The following TMEM192 variants were observed in gnomAD, a reference collection of about 807,000 sequenced individuals.
TMEM192 encodes transmembrane protein 192.
TMEM192 carries 20 observed loss-of-function variants against 26.7 expected under a neutral mutation model. That is an observed-to-expected ratio of 0.75 (90% CI 0.53 to 1.09). The LOEUF (loss-of-function observed/expected upper bound fraction) is 1.09. Ranked by LOEUF, TMEM192 falls within the 50% of genes least tolerant of loss-of-function variation. The pLI, the probability that TMEM192 is intolerant of heterozygous loss-of-function variation, is 0.00. For synonymous variants in TMEM192, 124 were observed against 121.0 expected, an observed-to-expected ratio of 1.02 and a Z score of -0.16; for missense variants, 304 against 322.6, an observed-to-expected ratio of 0.94 and a Z score of 0.44.
At chr4:165,090,213 GAAAAAAAAAAA>G (rs35732863) in intron 3 of TMEM192, among the ~76,000 whole-genome samples, 3 of 52,072 alleles carry the variant, frequency 5.8e-5, no homozygotes, top group East Asian at 1.5e-3. Flanking sequence ...CTCCGTCTTG[GAAAAAAAAAAA>G]AAAAAAAAAA....
chr4:165,091,965 A>T (rs991135850), intron 3 of TMEM192, among the ~76,000 whole-genome samples: 1 of 152,178 alleles, frequency 6.6e-6, no homozygotes, highest in Non-Finnish European at 1.5e-5. Context: ...GCAGAACTAA[A>T]GAATGATTAA....
chr4:165,109,949 T>C (rs915828834), intron 1 of TMEM192, among the ~76,000 whole-genome samples: 4 of 152,236 alleles, frequency 2.6e-5, no homozygotes, highest in African/African-American at 4.8e-5. Context: ...GAATATTTCT[T>C]ATGCTGCCTT....
rs1227023180 is a variant in TMEM192 at position 165,079,485 on chromosome 4, C to T, written c.*173G>A. 2 of 596,522 alleles carry T rather than the reference C, an allele frequency of 3.4e-6. No individual in the cohort carries two copies. Among genetic ancestry groups the T allele is most frequent in the Non-Finnish European group, 5.4e-6 (2 of 368,692 alleles). 37.0% of individuals were successfully genotyped at this position (596,522 alleles called of 1,614,324 possible). Reference sequence around the variant, plus strand: ...CTACAGGTACTTTTCAAGTGACCCACAAGCCCTATATTTTAAACAGCCACA... The same window carrying T: ...CTACAGGTACTTTTCAAGTGACCCATAAGCCCTATATTTTAAACAGCCACA... On this transcript the variant is annotated 3_prime_UTR_variant, in exon 6 of 6. Coordinates refer to ENST00000306480, the MANE Select transcript of TMEM192 (RefSeq NM_001100389.2).
chr4:165,109,079 G>T (rs1404843668), intron 1 of TMEM192, among the ~76,000 whole-genome samples: 2 of 152,114 alleles, frequency 1.3e-5, no homozygotes, highest in East Asian at 3.8e-4. Flanking sequence ...AGGCAGAATG[G>T]TATATCTATT....
chr4:165,090,213 GAAAAAAAAA>G lies in TMEM192; in HGVS notation c.440-1620_440-1612del, dbSNP rs35732863. Among the ~76,000 whole-genome samples the G allele has an allele frequency of 6.5e-4, 34 of 52,076 alleles. 1 individual carries two copies. Among genetic ancestry groups the G allele is most frequent in the Middle Eastern group, 0.017 (1 of 58 alleles). The allele number at this position is 52,076 out of a possible 152,430, so 34.2% of individuals were successfully genotyped here. On this transcript the variant is annotated intron_variant, in intron 3 of 5. Transcript: ENST00000306480. ...GCAACAAGAGCGAAACTCCGTCTTG[GAAAAAAAAA>G]AAAAAAAAAAAAAAATGCATGGTGG... is the stretch of plus-strand genomic sequence containing the variant.
chr4:165,103,588 C>T (rs1055596160), intron 1 of TMEM192, among the ~76,000 whole-genome samples: 2 of 145,588 alleles, frequency 1.4e-5, no homozygotes, highest in East Asian at 2.0e-4. Flanking sequence ...AACCTTGGCT[C>T]GCCGAAACCT....
At chr4:165,095,825 A>T (rs72699521) in intron 3 of TMEM192, among the ~76,000 whole-genome samples, 26,489 of 151,900 alleles carry the variant, frequency 0.17, 2,788 homozygotes, top group South Asian at 0.3. Context: ...CTCAGGCTGG[A>T]GTGCAGTGGC....
Position 165,072,361 on chromosome 4 carries a change from C to T in TMEM192, c.*7297G>A, listed in dbSNP as rs891447987. On this transcript the variant is annotated 3_prime_UTR_variant, in exon 6 of 6. Coordinates refer to ENST00000306480, the MANE Select transcript of TMEM192 (RefSeq NM_001100389.2). ...CCTGAGGTCCGGAGTTCAAGACCAGCCTGGCTAACATGGTGAAACCCCCTT... is the reference window on the plus strand; with the variant it reads ...CCTGAGGTCCGGAGTTCAAGACCAGTCTGGCTAACATGGTGAAACCCCCTT... 1 of 151,990 alleles carries T rather than the reference C, an allele frequency of 6.6e-6. No homozygotes were observed. The highest frequency in any genetic ancestry group is 1.5e-5 in the Non-Finnish European group (1 of 68,058). 9.4% of individuals were successfully genotyped at this position (151,990 alleles called of 1,614,324 possible). A position where few individuals can be genotyped will look rare whatever the true frequency, so the allele number is the denominator to read the frequency against.
At chr4:165,093,966 CT>C (rs1370678810) in intron 3 of TMEM192, among the ~76,000 whole-genome samples, 1 of 152,156 alleles carries the variant, frequency 6.6e-6, no homozygotes, top group African/African-American at 2.4e-5. Context: ...ATGACATGAT[CT>C]TGGCTGACTG....
chr4:165,105,855 A>G (rs907946838), intron 1 of TMEM192, among the ~76,000 whole-genome samples: 3 of 152,106 alleles, frequency 2.0e-5, no homozygotes, highest in Admixed American at 6.5e-5. Context: ...GTGTCCCCCA[A>G]TAGTTCCCTG....
chr4:165,109,091 C>A (rs1473645052), intron 1 of TMEM192, among the ~76,000 whole-genome samples: 1 of 152,150 alleles, frequency 6.6e-6, no homozygotes, highest in Non-Finnish European at 1.5e-5. Context: ...ATATCTATTC[C>A]CAGTTACTCC....
chr4:165,100,971 CTTTTTTTTTT>C (rs71602569), intron 2 of TMEM192, 79 bp from the exon 3 acceptor site: 3 of 772,970 alleles, frequency 3.9e-6, no homozygotes, highest in Non-Finnish European at 5.4e-6. Flanking sequence ...AGCATACATT[CTTTTTTTTTT>C]TTTTTTTTTT....
chr4:165,090,086 CTGTAATCCT>C (rs1027521543), intron 3 of TMEM192, among the ~76,000 whole-genome samples: 8 of 151,962 alleles, frequency 5.3e-5, no homozygotes, highest in African/African-American at 1.9e-4. Context: ...TGGCATATGC[CTGTAATCCT>C]AGCTACTTGG....
intron 1 of TMEM192, among the ~76,000 whole-genome samples, chr4:165,104,774 G>A (rs1306472940): frequency 2.0e-5 from 3 of 151,988 alleles, no homozygotes; most frequent in Middle Eastern, 3.2e-3. Flanking sequence ...CAGGTGATCC[G>A]CCTGCCTCAG....
chr4:165,096,572 T>TATAACAA (rs1306418431), intron 3 of TMEM192, among the ~76,000 whole-genome samples: 2 of 151,776 alleles, frequency 1.3e-5, no homozygotes, highest in Non-Finnish European at 2.9e-5. Context: ...AGGCTGAAGT[T>TATAACAA]AATATTATCA....
chr4:165,107,430 C>A (rs139924939), intron 1 of TMEM192, among the ~76,000 whole-genome samples: 16 of 152,170 alleles, frequency 1.1e-4, no homozygotes, highest in Admixed American at 2.6e-4. Context: ...TCCGTGCCCC[C>A]CTCCCCAGGC....
chr4:165,103,788 C>T (rs947194580), intron 1 of TMEM192, among the ~76,000 whole-genome samples: 11 of 151,786 alleles, frequency 7.2e-5, no homozygotes, highest in Admixed American at 1.3e-4. Context: ...TCCCAAAGTG[C>T]TGGGATTACA....
At chr4:165,108,928 C>A (rs905026834) in intron 1 of TMEM192, among the ~76,000 whole-genome samples, 1 of 152,232 alleles carries the variant, frequency 6.6e-6, no homozygotes, top group African/African-American at 2.4e-5. Context: ...CCTGCACACT[C>A]TTTCAAGGCA....
chr4:165,099,751 C>A lies in TMEM192; in HGVS notation c.439+877G>T, dbSNP rs554702000. 2.0e-5 allele frequency among the ~76,000 whole-genome samples: 3 copies of A among 152,166 alleles called. No individual in the cohort carries two copies. In the South Asian group the frequency reaches 6.2e-4, roughly 32 times the overall value. On this transcript the variant is annotated intron_variant, in intron 3 of 5. Transcript: ENST00000306480. ...TGAGGCCAGGAGTTCCAGTGACCAA[C>A]CTGGGCAACATGGTGAGAACCTGCT...
Sources: allele counts gnomAD v4.1 joint callset (sites outside exome capture counted in the v4.1 genomes callset), GRCh38; gene constraint gnomAD v4.1.1; transcripts MANE v1.5; gene names NCBI Gene and HGNC (gene_info 2026-07-23, HGNC 2026-07-21).